Variants in DYSF observed in about 807,000 individuals in gnomAD.
DYSF encodes dystrophy-associated fer-1-like 1.
Under a neutral mutation model 274.9 loss-of-function variants are expected in DYSF, and 212 were observed. The observed-to-expected ratio is 0.77, with a 90% CI of 0.69 to 0.86. The LOEUF (loss-of-function observed/expected upper bound fraction) is 0.86, where lower values mean the gene tolerates loss of function less well. Among genes scored for constraint, DYSF ranks in the 40% least tolerant of loss-of-function variants. DYSF has a pLI of 0.00. For missense variants in DYSF, 2,666 were observed against 2,783.2 expected (o/e 0.96, Z 0.95); for synonymous variants, 1,091 against 1,078.7 (o/e 1.01, Z -0.22).
chr2:71,488,698 G>A (rs2083557005), intron 3 of DYSF, among the ~76,000 whole-genome samples: 1 of 152,114 alleles, frequency 6.6e-6, no homozygotes, highest in South Asian at 2.1e-4. Flanking sequence ...TATAGGAGGA[G>A]GTCTAGTCAG....
intron 45 of DYSF, among the ~76,000 whole-genome samples, chr2:71,663,044 C>CATATTTGTGTGTGTATGTCTGTGTCCAT: frequency 2.8e-5 from 1 of 35,356 alleles, no homozygotes; most frequent in South Asian, 1.0e-3. Context: ...TGTGTGTGCG[C>CATATTTGTGTGTGTATGTCTGTGTCCAT]GCACGCGCGT....
chr2:71,618,069 G>GGT (rs777345790), intron 40 of DYSF, among the ~76,000 whole-genome samples: 13,034 of 40,812 alleles, frequency 0.32, 3,589 homozygotes, highest in East Asian at 0.42. Flanking sequence ...GTAGAGATGG[G>GGT]GTGTGTGTGT....
intron 51 of DYSF, among the ~76,000 whole-genome samples, chr2:71,670,331 C>T (rs1438845963): frequency 1.3e-5 from 2 of 152,240 alleles, no homozygotes; most frequent in African/African-American, 4.8e-5. Context: ...AGTAGGGACA[C>T]CCAGCATGGC....
chr2:71,505,656 G>A (rs1008900553), intron 4 of DYSF, among the ~76,000 whole-genome samples: 5 of 152,218 alleles, frequency 3.3e-5, no homozygotes, highest in Non-Finnish European at 5.9e-5. Flanking sequence ...ACAGCTGCTA[G>A]GTTGATGGGG....
intron 4 of DYSF, among the ~76,000 whole-genome samples, chr2:71,507,424 C>T (rs968149028): frequency 6.6e-6 from 1 of 152,200 alleles, no homozygotes; most frequent in African/African-American, 2.4e-5. Flanking sequence ...CTCTGGTTTA[C>T]TTTTTCTTTT....
At chr2:71,596,866 C>T (rs1296974303) in intron 32 of DYSF, among the ~76,000 whole-genome samples, 1 of 152,194 alleles carries the variant, frequency 6.6e-6, no homozygotes, top group Non-Finnish European at 1.5e-5. Flanking sequence ...GTGGCCATGG[C>T]TGAGTCCGCC....
chr2:71,612,576 T>C (rs1271340227), intron 38 of DYSF, 65 bp from the exon 39 acceptor site: 2 of 1,597,206 alleles, frequency 1.3e-6, no homozygotes, highest in Non-Finnish European at 1.7e-6. Context: ...TTCTGCTCTT[T>C]GGGCTTGACC....
At chr2:71,606,666 T>A (rs1394961711) in intron 36 of DYSF, among the ~76,000 whole-genome samples, 1 of 151,692 alleles carries the variant, frequency 6.6e-6, no homozygotes. Context: ...AGGAATGGGG[T>A]ATGTGGGGAA....
chr2:71,609,454 A>G (rs1329216128), intron 36 of DYSF, among the ~76,000 whole-genome samples: 1 of 150,576 alleles, frequency 6.6e-6, no homozygotes, highest in Non-Finnish European at 1.5e-5. Context: ...GATCAACACC[A>G]ACACCAATGG....
chr2:71,592,013 T>C (rs1371804369), intron 32 of DYSF, among the ~76,000 whole-genome samples: 1 of 152,222 alleles, frequency 6.6e-6, no homozygotes. Context: ...GGGAAACTTG[T>C]CCAGGAGTCT....
At chr2:71,553,506 TCTC>T (rs570950063) in intron 20 of DYSF, among the ~76,000 whole-genome samples, 41 of 152,220 alleles carry the variant, frequency 2.7e-4, no homozygotes, top group Non-Finnish European at 5.7e-4. Flanking sequence ...AGCTCTAACA[TCTC>T]CTCAGTTTTG....
In DYSF at chr2:71,669,601, C is replaced by CTAG; in HGVS notation, c.5643-2_5643dup. On this transcript the variant is annotated splice_region_variant and splice_polypyrimidine_tract_variant and intron_variant, in intron 50 of 55. Transcript: ENST00000410020. ...AACTATTCTCTAAAAACATGTATGT[C>CTAG]TAGTTGGATGATTGGCTTTGAAGAA... 6.2e-7 allele frequency: 1 copy of CTAG among 1,614,122 alleles called. No individual in the cohort carries two copies. The highest frequency in any genetic ancestry group is 8.5e-7 in the Non-Finnish European group (1 of 1,180,026).
intron 3 of DYSF, among the ~76,000 whole-genome samples, chr2:71,484,711 G>A (rs1480681064): frequency 6.6e-6 from 1 of 152,168 alleles, no homozygotes; most frequent in Non-Finnish European, 1.5e-5. Flanking sequence ...ATCTCCGGAA[G>A]TTCAATTTTT....
intron 17 of DYSF, among the ~76,000 whole-genome samples, chr2:71,547,975 C>T (rs746559305): frequency 1.2e-4 from 18 of 152,170 alleles, no homozygotes; most frequent in South Asian, 2.1e-4. Context: ...TGTTTGCTTC[C>T]GGTGGTCCCT....
rs1375633869 is a variant in DYSF at position 71,679,196 on chromosome 2, G to C, written c.6024G>C (p.Trp2008Cys). ...AGCAGAAAACAGTGAAGGGCTGGTG[G>C]CCCTGTGTAGCAGAAGAGGGTGAGA... ...LFEQKTVKGW[W>C]PCVAEEGEKK... Residue 2008 changes from tryptophan to cysteine, a missense_variant, in exon 53 of 56, where the codon TGG becomes TGC. By Grantham distance (215) the Trp-to-Cys change is radical. Transcript: ENST00000410020. 1 of 1,614,078 alleles carries C rather than the reference G, an allele frequency of 6.2e-7. No homozygotes were observed.
intron 26 of DYSF, among the ~76,000 whole-genome samples, chr2:71,568,627 C>T (rs887576011): frequency 6.6e-6 from 1 of 150,994 alleles, no homozygotes; most frequent in African/African-American, 2.4e-5. Flanking sequence ...GTAGCATGAT[C>T]GCAGCTCATT....
chr2:71,528,969 C>T (rs568213868), intron 14 of DYSF, among the ~76,000 whole-genome samples: 142 of 152,108 alleles, frequency 9.3e-4, no homozygotes, highest in African/African-American at 3.1e-3. Flanking sequence ...CACAGGCTTT[C>T]CTGGCAGCCC....
At chr2:71,588,164 G>A (rs754850179) in intron 30 of DYSF, among the ~76,000 whole-genome samples, 1 of 152,182 alleles carries the variant, frequency 6.6e-6, no homozygotes, top group Non-Finnish European at 1.5e-5. Flanking sequence ...GCCAAGGGCC[G>A]GGTTTGGGGG....
intron 53 of DYSF, 60 bp from the exon 54 acceptor site, chr2:71,680,941 C>T: frequency 6.9e-7 from 1 of 1,448,216 alleles, no homozygotes; most frequent in Non-Finnish European, 9.7e-7. Context: ...GGCCTGGTTA[C>T]TCTCCAGGCC....
Sources: gnomAD v4.1 joint callset for allele counts (sites outside exome capture counted in the v4.1 genomes callset) on GRCh38, gnomAD v4.1.1 for gene constraint, MANE v1.5 for transcripts, NCBI Gene and HGNC (gene_info 2026-07-23, HGNC 2026-07-21) for gene names.